SLC4A4: variants seen among roughly 807,000 people sequenced by gnomAD.
SLC4A4 encodes the protein electrogenic sodium bicarbonate cotransporter 1.
A neutral mutation model predicts 111.5 loss-of-function variants in SLC4A4; 27 were observed. The observed-to-expected ratio is 0.24, with a 90% confidence interval of 0.18 to 0.33. SLC4A4 has a LOEUF of 0.33. Ranked by LOEUF, SLC4A4 falls within the 10% of genes least tolerant of loss-of-function variation. The pLI is 1.00. For missense variants in SLC4A4, 909 were observed against 1,315.5 expected (o/e 0.69, Z 4.78); for synonymous variants, 443 against 463.4 (o/e 0.96, Z 0.57).
At chr4:71,523,476 A>G (rs533583035) in intron 16 of SLC4A4, among the ~76,000 whole-genome samples, 1 of 152,186 alleles carries the variant, frequency 6.6e-6, no homozygotes, top group South Asian at 2.1e-4. Flanking sequence ...ATAAAAACAC[A>G]GTCGACCTGA....
Position 71,085,329 on chromosome 4 carries a change from C to T in SLC4A4, c.-64-7401C>T, listed in dbSNP as rs1240603339. ...AGCCCTTTGTCAGATGAGTGGGTTG[C>T]AAAAATTTTCTCCCATTCTGTAGGT... On this transcript the variant is annotated intron_variant, in intron 1 of 26. Transcript: ENST00000649996. Among the ~76,000 whole-genome samples the T allele has an allele frequency of 9.2e-5, 14 of 151,872 alleles. 1 individual carries two copies. The highest frequency in any genetic ancestry group is 1.8e-4 in the Non-Finnish European group (12 of 68,014).
At chr4:71,385,355 G>A (rs1054750930) in intron 6 of SLC4A4, among the ~76,000 whole-genome samples, 72 of 150,734 alleles carry the variant, frequency 4.8e-4, no homozygotes, top group African/African-American at 1.8e-3. Context: ...TGCACCATCC[G>A]ACCCGGCTAA....
intron 6 of SLC4A4, among the ~76,000 whole-genome samples, chr4:71,388,767 T>A (rs747018342): frequency 2.0e-5 from 3 of 152,104 alleles, no homozygotes; most frequent in Non-Finnish European, 4.4e-5. Context: ...CTCAGGGTGG[T>A]CTTGAACTCC....
intron 16 of SLC4A4, among the ~76,000 whole-genome samples, chr4:71,521,850 T>A (rs936633427): frequency 6.6e-6 from 1 of 152,140 alleles, no homozygotes; most frequent in Non-Finnish European, 1.5e-5. Context: ...CTTATCACAG[T>A]CCTTTTCTGA....
At chr4:71,364,573 C>T (rs755574966) in intron 6 of SLC4A4, among the ~76,000 whole-genome samples, 1 of 152,122 alleles carries the variant, frequency 6.6e-6, no homozygotes, top group Non-Finnish European at 1.5e-5. Context: ...TATGGATCCT[C>T]GCAAGGTGGA....
intron 2 of SLC4A4, among the ~76,000 whole-genome samples, chr4:71,141,414 G>A (rs1436331128): frequency 6.6e-6 from 1 of 152,100 alleles, no homozygotes; most frequent in African/African-American, 2.4e-5. Context: ...CCTCATTCAT[G>A]CTGCTCCAGC....
At chr4:71,195,230 GTT>G (rs66527038) in intron 1 of SLC4A4, among the ~76,000 whole-genome samples, 1,576 of 93,132 alleles carry the variant, frequency 0.017, 24 homozygotes, top group African/African-American at 0.045. Flanking sequence ...CTGTATTTGA[GTT>G]TTTTTTTTTT....
At chr4:71,088,518 G>A (rs1306604023) in intron 1 of SLC4A4, among the ~76,000 whole-genome samples, 1 of 152,014 alleles carries the variant, frequency 6.6e-6, no homozygotes, top group Admixed American at 6.5e-5. Flanking sequence ...TTTACAATTT[G>A]GCATGTTTTT....
At chr4:71,160,237 T>C (rs1281158123) in intron 2 of SLC4A4, among the ~76,000 whole-genome samples, 1 of 152,166 alleles carries the variant, frequency 6.6e-6, no homozygotes, top group African/African-American at 2.4e-5. Flanking sequence ...CATGACCCAA[T>C]ACTCTCTCTT....
chr4:71,513,874 A>T (rs1043844061), intron 16 of SLC4A4, among the ~76,000 whole-genome samples: 3 of 152,130 alleles, frequency 2.0e-5, no homozygotes. Flanking sequence ...GTTTTTCTGC[A>T]TTGATTGAGA....
intron 6 of SLC4A4, among the ~76,000 whole-genome samples, chr4:71,364,770 T>C (rs1238159363): frequency 6.6e-6 from 1 of 152,154 alleles, no homozygotes; most frequent in African/African-American, 2.4e-5. Context: ...TAAGGAACAA[T>C]TATTATCCAG....
In SLC4A4 at chr4:71,084,511, G is replaced by A. The variant is rs927950629; in HGVS notation, c.-64-8219G>A. Among the ~76,000 whole-genome samples the A allele has an allele frequency of 1.4e-4, 21 of 151,926 alleles. 2 individuals carry two copies. Among genetic ancestry groups the A allele is most frequent in the African/African-American group, 4.1e-4 (17 of 41,312 alleles). On this transcript the variant is annotated intron_variant, in intron 1 of 26. Coordinates refer to the SLC4A4 transcript ENST00000649996. ...GTTGGTGTGCTGCACCCATTAACTC[G>A]TCATTTAACATTAGGTATATCTCCT...
At chr4:71,312,427 C>G (rs181413044) in intron 3 of SLC4A4, among the ~76,000 whole-genome samples, 1 of 152,258 alleles carries the variant, frequency 6.6e-6, no homozygotes, top group Non-Finnish European at 1.5e-5. Flanking sequence ...TTTTATAAGG[C>G]CAGCATCATC....
intron 1 of SLC4A4, among the ~76,000 whole-genome samples, chr4:71,196,872 A>AAAAAAAAG (rs1746031608): frequency 7.1e-6 from 1 of 140,230 alleles, no homozygotes; most frequent in Non-Finnish European, 1.5e-5. Flanking sequence ...AAAAAAAAAA[A>AAAAAAAAG]AATGCAGACA....
chr4:71,065,050 C>A (rs1333405067), intron 1 of SLC4A4, among the ~76,000 whole-genome samples: 1 of 151,960 alleles, frequency 6.6e-6, no homozygotes, highest in Non-Finnish European at 1.5e-5. Flanking sequence ...TAATAATAAA[C>A]CTTTGAATAT....
At chr4:71,245,664 G>T (rs543099608) in intron 2 of SLC4A4, among the ~76,000 whole-genome samples, 4 of 152,132 alleles carry the variant, frequency 2.6e-5, no homozygotes, top group African/African-American at 9.6e-5. Flanking sequence ...CTCTGAAGCC[G>T]GTAGTTGACT....
intron 1 of SLC4A4, among the ~76,000 whole-genome samples, chr4:71,202,834 A>G (rs1438436955): frequency 6.6e-6 from 1 of 152,218 alleles, no homozygotes; most frequent in South Asian, 2.1e-4. Context: ...TCAAGCTGTC[A>G]ACAAGAAATT....
chr4:71,560,568 A>G (rs559879091), intron 23 of SLC4A4, among the ~76,000 whole-genome samples: 15 of 151,946 alleles, frequency 9.9e-5, no homozygotes, highest in African/African-American at 3.6e-4. Flanking sequence ...TAGTAATGCT[A>G]TAAAATGTAT....
intron 1 of SLC4A4, among the ~76,000 whole-genome samples, chr4:71,195,345 A>C (rs1231537324): frequency 7.0e-6 from 1 of 142,484 alleles, no homozygotes; most frequent in Non-Finnish European, 1.5e-5. Context: ...GTAACATTTT[A>C]CTTCAGAATA....
Sources: gnomAD v4.1 joint callset for allele counts (sites outside exome capture counted in the v4.1 genomes callset) on GRCh38, gnomAD v4.1.1 for gene constraint, MANE v1.5 for transcripts, NCBI Gene and HGNC (gene_info 2026-07-23, HGNC 2026-07-21) for gene names.